KCNIP4: variants seen among roughly 807,000 people sequenced by gnomAD.
KCNIP4 encodes the protein potassium voltage-gated channel interacting protein 4, also known as Kv channel-interacting protein 4.
A neutral mutation model predicts 34.0 loss-of-function variants in KCNIP4; 12 were observed. The observed-to-expected ratio is 0.35, with a 90% confidence interval of 0.23 to 0.57. KCNIP4 has a LOEUF of 0.57. Among genes scored for constraint, KCNIP4 ranks in the 20% least tolerant of loss-of-function variants. KCNIP4 has a pLI of 0.83. For synonymous variants in KCNIP4, 124 were observed against 102.2 expected, an observed-to-expected ratio of 1.21 and a Z score of -1.29; for missense variants, 238 against 311.7, an observed-to-expected ratio of 0.76 and a Z score of 1.78.
At chr4:21,201,931 C>A (rs532940435) in intron 1 of KCNIP4, among the ~76,000 whole-genome samples, 1 of 152,164 alleles carries the variant, frequency 6.6e-6, no homozygotes, top group African/African-American at 2.4e-5. Flanking sequence ...TCCCATCACC[C>A]ATCATAATTT....
At chr4:21,132,213 A>G (rs984935344) in intron 1 of KCNIP4, among the ~76,000 whole-genome samples, 3 of 152,262 alleles carry the variant, frequency 2.0e-5, no homozygotes, top group African/African-American at 7.2e-5. Flanking sequence ...TTCACCAGCC[A>G]TATAAGAACA....
At chr4:21,097,643 TAAC>T (rs1747579621) in intron 1 of KCNIP4, among the ~76,000 whole-genome samples, 1 of 152,164 alleles carries the variant, frequency 6.6e-6, no homozygotes, top group Admixed American at 6.6e-5. Flanking sequence ...CACACTCAGA[TAAC>T]ATGTTGAACT....
intron 1 of KCNIP4, among the ~76,000 whole-genome samples, chr4:20,924,224 A>C (rs1729681841): frequency 6.6e-6 from 1 of 152,218 alleles, no homozygotes; most frequent in Non-Finnish European, 1.5e-5. Context: ...GAAACAGTCC[A>C]TATTAGGTTT....
intron 2 of KCNIP4, among the ~76,000 whole-genome samples, chr4:20,880,035 T>G (rs925686204): frequency 1.3e-5 from 2 of 152,232 alleles, no homozygotes; most frequent in African/African-American, 4.8e-5. Context: ...GTATTATGCT[T>G]GCCATTAAAA....
At chr4:21,844,239 A>C (rs1723866526) in intron 1 of KCNIP4, 1 of 152,138 alleles carries the variant, frequency 6.6e-6, no homozygotes, top group South Asian at 2.1e-4. Flanking sequence ...CACAGAGGAA[A>C]CAGTGTTTGA....
intron 1 of KCNIP4, among the ~76,000 whole-genome samples, chr4:21,466,281 G>T (rs1436819682): frequency 6.6e-6 from 1 of 152,082 alleles, no homozygotes; most frequent in African/African-American, 2.4e-5. Context: ...ATAGTATGCT[G>T]TGGATACATC....
intron 3 of KCNIP4, chr4:20,767,425 A>G (rs1411494598): frequency 6.6e-6 from 1 of 152,184 alleles, no homozygotes; most frequent in Non-Finnish European, 1.5e-5. Context: ...CTTACATGGT[A>G]TGTTTGAAAT....
chr4:21,301,091 T>C (rs960650268), intron 1 of KCNIP4, among the ~76,000 whole-genome samples: 2 of 152,170 alleles, frequency 1.3e-5, no homozygotes, highest in Non-Finnish European at 1.5e-5. Context: ...TGTAGTATTA[T>C]GTATTCATGA....
At chr4:20,944,728 T>A (rs2149626632) in intron 1 of KCNIP4, among the ~76,000 whole-genome samples, 1 of 152,304 alleles carries the variant, frequency 6.6e-6, no homozygotes, top group South Asian at 2.1e-4. Context: ...TGCTGCCAGG[T>A]AGCCCTCCCT....
chr4:20,745,054 T>A (rs927048906), intron 5 of KCNIP4, among the ~76,000 whole-genome samples: 3 of 152,186 alleles, frequency 2.0e-5, no homozygotes, highest in Non-Finnish European at 2.9e-5. Flanking sequence ...TTGCTAGGAA[T>A]GGTAGGACAG....
At position 20,732,651 on chromosome 4, in the gene KCNIP4, T is replaced by C. The variant is rs137866792; in HGVS notation, c.642+30A>G. On this transcript the variant is annotated intron_variant, in intron 7 of 8. Coordinates refer to ENST00000382152, the MANE Select transcript of KCNIP4 (RefSeq NM_025221.6). ...ATCAGGAAATTTTCTCCTAACTTCA[T>C]GCCCTCTTGACTTCTGTTTTAATTC... The C allele has an allele frequency of 3.0e-3, 4,189 of 1,411,606 alleles. 105 individuals carry two copies. The South Asian group carries it at 0.037, about 13-fold the overall frequency. The allele number at this position is 1,411,606 out of a possible 1,614,324, so 87.4% of individuals were successfully genotyped here. A position where few individuals can be genotyped will look rare whatever the true frequency, so the allele number is the denominator to read the frequency against.
At chr4:21,115,401 A>G (rs1481892333) in intron 1 of KCNIP4, among the ~76,000 whole-genome samples, 2 of 152,212 alleles carry the variant, frequency 1.3e-5, no homozygotes, top group African/African-American at 4.8e-5. Context: ...AAACTCATAG[A>G]GAGCTCTAAA....
intron 1 of KCNIP4, among the ~76,000 whole-genome samples, chr4:21,670,653 T>C (rs112008195): frequency 0.064 from 9,775 of 152,174 alleles, 417 homozygotes; most frequent in Non-Finnish European, 0.097. Context: ...CTAAAAAATA[T>C]ATGAGTAAAC....
At chr4:20,851,181 G>C (rs1720987014) in intron 2 of KCNIP4, among the ~76,000 whole-genome samples, 1 of 152,078 alleles carries the variant, frequency 6.6e-6, no homozygotes, top group African/African-American at 2.4e-5. Flanking sequence ...TGTTCTTCCT[G>C]ATCCTCTCCC....
intron 1 of KCNIP4, among the ~76,000 whole-genome samples, chr4:21,352,554 G>A (rs759641706): frequency 6.6e-6 from 1 of 152,226 alleles, no homozygotes; most frequent in Non-Finnish European, 1.5e-5. Context: ...TGCCTTGCAA[G>A]GCTGCAGCCT....
intron 1 of KCNIP4, among the ~76,000 whole-genome samples, chr4:21,681,298 G>A (rs1030920300): frequency 2.0e-5 from 3 of 151,106 alleles, no homozygotes; most frequent in Non-Finnish European, 2.9e-5. Flanking sequence ...TTAAAGACAA[G>A]GCCTCACTAT....
At chr4:21,067,746 C>A (rs983992552) in intron 1 of KCNIP4, among the ~76,000 whole-genome samples, 2 of 152,160 alleles carry the variant, frequency 1.3e-5, no homozygotes, top group African/African-American at 4.8e-5. Flanking sequence ...CCTCTCCCAG[C>A]TCCAGGAAGC....
At chr4:21,383,748 CCTA>C (rs1721753104) in intron 1 of KCNIP4, among the ~76,000 whole-genome samples, 2 of 152,140 alleles carry the variant, frequency 1.3e-5, no homozygotes, top group South Asian at 4.1e-4. Context: ...ATTCTCTGTC[CCTA>C]CTACGCTGTA....
intron 1 of KCNIP4, among the ~76,000 whole-genome samples, chr4:21,312,571 G>A (rs1242009085): frequency 6.6e-6 from 1 of 152,058 alleles, no homozygotes; most frequent in African/African-American, 2.4e-5. Flanking sequence ...AATAGACGGG[G>A]GTTCCTTCGG....
Sources: gnomAD v4.1 joint callset for allele counts (sites outside exome capture counted in the v4.1 genomes callset) on GRCh38, gnomAD v4.1.1 for gene constraint, MANE v1.5 for transcripts, NCBI Gene and HGNC (gene_info 2026-07-23, HGNC 2026-07-21) for gene names.